Variants in PCDHGB3 observed in about 807,000 individuals in gnomAD.
PCDHGB3 encodes protocadherin gamma subfamily B, 3.
PCDHGB3 carries 40 observed loss-of-function variants against 59.2 expected under a neutral mutation model. That is an observed-to-expected ratio of 0.68 (90% confidence interval 0.52 to 0.88). The LOEUF (loss-of-function observed/expected upper bound fraction) is 0.88. PCDHGB3 is among the 40% of genes least tolerant of loss of function. The probability of loss-of-function intolerance (pLI) is 0.00; values close to 1 mark genes in which losing one functional copy is unlikely to be tolerated. For synonymous variants in PCDHGB3, 581 were observed against 503.6 expected, an observed-to-expected ratio of 1.15 and a Z score of -2.06; for missense variants, 1,309 against 1,187.9, an observed-to-expected ratio of 1.10 and a Z score of -1.50.
chr5:141,384,822 C>T (rs149266522), intron 1 of PCDHGB3: 80 of 1,613,436 alleles, frequency 5.0e-5, no homozygotes, highest in Admixed American at 3.2e-4. Flanking sequence ...TCAAGCAGAG[C>T]CTCGTGGTGG....
chr5:141,481,622 G>A (rs957374253), intron 1 of PCDHGB3, among the ~76,000 whole-genome samples: 6 of 151,854 alleles, frequency 4.0e-5, no homozygotes, highest in African/African-American at 1.2e-4. Flanking sequence ...GTTCAAGACC[G>A]GCCTGGCCAA....
At chr5:141,422,716 G>A (rs1348237465) in intron 1 of PCDHGB3, 1 of 1,604,378 alleles carries the variant, frequency 6.2e-7, no homozygotes, top group Non-Finnish European at 8.5e-7. Flanking sequence ...GGATGACACT[G>A]TCCAGGGGGT....
chr5:141,391,109 T>C (rs1414344509), intron 1 of PCDHGB3: 1 of 152,098 alleles, frequency 6.6e-6, no homozygotes, highest in Non-Finnish European at 1.5e-5. Context: ...TAAACTAATA[T>C]AGCTAGAGGT....
chr5:141,452,387 G>A (rs1052689230), intron 1 of PCDHGB3, among the ~76,000 whole-genome samples: 5 of 152,146 alleles, frequency 3.3e-5, no homozygotes, highest in African/African-American at 1.2e-4. Context: ...ATAGTATTTA[G>A]AAACTAAGAT....
intron 1 of PCDHGB3, chr5:141,395,109 A>C (rs1181706209): frequency 6.2e-7 from 1 of 1,614,210 alleles, no homozygotes; most frequent in Non-Finnish European, 8.5e-7. Flanking sequence ...CTCGCGGAAG[A>C]GTCACCTGAT....
At position 141,491,899 on chromosome 5, in the gene PCDHGB3, G is replaced by A; in HGVS notation, c.2416-2908G>A. The A allele has an allele frequency of 7.0e-7, 1 of 1,433,322 alleles. No homozygotes were observed. Among genetic ancestry groups the A allele is most frequent in the South Asian group, 1.5e-5 (1 of 67,156 alleles). The allele number at this position is 1,433,322 out of a possible 1,614,324, so 88.8% of individuals were successfully genotyped here. A position where few individuals can be genotyped will look rare whatever the true frequency, so the allele number is the denominator to read the frequency against. On this transcript the variant is annotated intron_variant, in intron 1 of 3. Coordinates refer to ENST00000576222, the MANE Select transcript of PCDHGB3 (RefSeq NM_018924.5). The surrounding 1 kb of genome is among the most constrained non-coding windows in gnomAD (Gnocchi z 6.9). ...TTAAGGGATGGGGCTCCGAGCACCG[G>A]GGGTGGTGGCGACTGTGGGCGAGGG... is the stretch of plus-strand genomic sequence containing the variant.
intron 1 of PCDHGB3, among the ~76,000 whole-genome samples, chr5:141,445,924 A>G (rs1451439271): frequency 6.6e-6 from 1 of 152,184 alleles, no homozygotes; most frequent in Non-Finnish European, 1.5e-5. Flanking sequence ...GTGACAAGAT[A>G]TTTGAATTAT....
At position 141,490,487 on chromosome 5, in the gene PCDHGB3, C is replaced by T. The variant is rs1398601464; in HGVS notation, c.2416-4320C>T. Reference sequence around the variant, plus strand: ...ACCAGCCAGCCTTTGGACCGGGAGGCCACATCCCACTATATCATCGAGCTG... The same window carrying T: ...ACCAGCCAGCCTTTGGACCGGGAGGTCACATCCCACTATATCATCGAGCTG... On this transcript the variant is annotated intron_variant, in intron 1 of 3. Coordinates refer to ENST00000576222, the MANE Select transcript of PCDHGB3 (RefSeq NM_018924.5). This position sits in a 1 kb window ranked among gnomAD's most constrained non-coding sequence, Gnocchi z 5.4. 4 of 1,614,000 alleles carry T rather than the reference C, an allele frequency of 2.5e-6. No homozygotes were observed. The highest frequency in any genetic ancestry group is 1.7e-5 in the Admixed American group (1 of 59,996).
chr5:141,509,819 C>T (rs1008625658), intron 3 of PCDHGB3, among the ~76,000 whole-genome samples: 3 of 152,154 alleles, frequency 2.0e-5, no homozygotes, highest in African/African-American at 7.2e-5. Context: ...AGCTCTTCTC[C>T]ATCTTCTCTC....
chr5:141,374,666 G>T (rs1770705641), intron 1 of PCDHGB3: 3 of 1,611,404 alleles, frequency 1.9e-6, no homozygotes, highest in Non-Finnish European at 2.5e-6. Flanking sequence ...CCCGGAGCTG[G>T]TGCTGGAGGG....
chr5:141,375,347 G>A, intron 1 of PCDHGB3: 2 of 1,613,852 alleles, frequency 1.2e-6, no homozygotes, highest in South Asian at 2.2e-5. Flanking sequence ...CAACATCACT[G>A]TGACAGCCAC....
At position 141,374,284 on chromosome 5, in the gene PCDHGB3, C is replaced by A. The variant is rs756823871; in HGVS notation, c.2415+1475C>A. ...TGGCGGAGCACGGAGTCCGCATCGT[C>A]TCCAGAGGTAGGATGCAGCTTTTCT... is the stretch of plus-strand genomic sequence containing the variant. On this transcript the variant is annotated intron_variant, in intron 1 of 3. Transcript: ENST00000576222. The A allele has an allele frequency of 3.7e-6, 6 of 1,613,880 alleles. No individual in the cohort carries two copies. In the Admixed American group the frequency reaches 8.3e-5, roughly 22 times the overall value.
intron 1 of PCDHGB3, chr5:141,395,397 A>C: frequency 1.1e-6 from 1 of 895,314 alleles, no homozygotes; most frequent in Non-Finnish European, 1.6e-6. Flanking sequence ...TTGAACTCTA[A>C]TAGTCATAGG....
intron 1 of PCDHGB3, among the ~76,000 whole-genome samples, chr5:141,406,372 T>C (rs1010742441): frequency 1.3e-5 from 2 of 152,204 alleles, no homozygotes; most frequent in African/African-American, 4.8e-5. Flanking sequence ...AAGGGTAAAC[T>C]GATAAAAAGG....
chr5:141,487,162 G>T lies in PCDHGB3; in HGVS notation c.2416-7645G>T, dbSNP rs2099640627. 6.2e-7 allele frequency: 1 copy of T among 1,613,496 alleles called. No individual in the cohort carries two copies. Among genetic ancestry groups the T allele is most frequent in the African/African-American group, 1.3e-5 (1 of 75,026 alleles). On this transcript the variant is annotated intron_variant, in intron 1 of 3. Transcript: ENST00000576222. This position sits in a 1 kb window ranked among gnomAD's most constrained non-coding sequence, Gnocchi z 5.0. ...TCTCTACCTCTGTTACTCTCTTAGTGTCCTTAGAGGAAGACACTCATCCAG... is the reference window on the plus strand; with the variant it reads ...TCTCTACCTCTGTTACTCTCTTAGTTTCCTTAGAGGAAGACACTCATCCAG...
At chr5:141,509,310 G>A (rs1223508453) in intron 3 of PCDHGB3, among the ~76,000 whole-genome samples, 2 of 152,174 alleles carry the variant, frequency 1.3e-5, no homozygotes, top group Non-Finnish European at 1.5e-5. Flanking sequence ...GAGGGAGGCT[G>A]GGAGAGAAGC....
intron 1 of PCDHGB3, chr5:141,389,914 C>A (rs754458764): frequency 1.2e-6 from 2 of 1,613,956 alleles, no homozygotes; most frequent in African/African-American, 2.7e-5. Flanking sequence ...ACTGACCGCC[C>A]CGACCCCTCT....
intron 1 of PCDHGB3, chr5:141,414,836 T>C: frequency 6.2e-7 from 1 of 1,614,222 alleles, no homozygotes; most frequent in Non-Finnish European, 8.5e-7. Context: ...TCGTTGAGCC[T>C]GTTTGTGCTG....
At chr5:141,449,658 C>T (rs1413506303) in intron 1 of PCDHGB3, among the ~76,000 whole-genome samples, 5 of 149,582 alleles carry the variant, frequency 3.3e-5, no homozygotes, top group Admixed American at 3.3e-4. Flanking sequence ...TTTACATACA[C>T]ACCCAAGTGT....
Sources: allele counts gnomAD v4.1 joint callset (sites outside exome capture counted in the v4.1 genomes callset), GRCh38; gene constraint gnomAD v4.1.1; non-coding constraint Gnocchi (gnomAD v3.1); transcripts MANE v1.5; gene names NCBI Gene and HGNC (gene_info 2026-07-23, HGNC 2026-07-21).